COX7A2: variants seen among roughly 807,000 people sequenced by gnomAD.
The protein encoded by COX7A2 is cytochrome c oxidase subunit 7A2, mitochondrial.
In COX7A2, 11 loss-of-function variants were observed where a neutral mutation model predicts 11.6. That is an observed-to-expected ratio of 0.95 (90% CI 0.60 to 1.57). The LOEUF is 1.57. COX7A2 is among the 40% of genes most tolerant of loss of function. The pLI is 0.00. For missense variants in COX7A2, 106 were observed against 100.9 expected, an observed-to-expected ratio of 1.05 and a Z score of -0.22; for synonymous variants, 30 against 38.2, an observed-to-expected ratio of 0.78 and a Z score of 0.79.
chr6:75,237,878 T>A lies in COX7A2; in HGVS notation c.*52A>T, dbSNP rs1334043018. The A allele has an allele frequency of 2.2e-6, 3 of 1,375,474 alleles. No homozygotes were observed. The highest frequency in any genetic ancestry group is 1.4e-5 in the African/African-American group (1 of 70,682). 85.2% of individuals were successfully genotyped at this position (1,375,474 alleles called of 1,614,324 possible). A position where few individuals can be genotyped will look rare whatever the true frequency, so the allele number is the denominator to read the frequency against. ...GCTCGGTTATTTATCAGATTACTGG[T>A]CCATAGAGAGCTGAATGAAACTGAA... On this transcript the variant is annotated 3_prime_UTR_variant, in exon 4 of 4. Transcript: ENST00000684430.
At chr6:75,238,678 T>C (rs1582258527) in intron 3 of COX7A2, among the ~76,000 whole-genome samples, 1 of 108,036 alleles carries the variant, frequency 9.3e-6, no homozygotes, top group South Asian at 3.4e-4. Flanking sequence ...CACTCCAGCC[T>C]GGGCAACAAG....
upstream of COX7A2, among the ~76,000 whole-genome samples, chr6:75,248,032 C>T (rs953056770): frequency 1.5e-4 from 23 of 151,866 alleles, no homozygotes; most frequent in East Asian, 2.7e-3. Context: ...CTCTGCAGTC[C>T]GCTGAGAGTT....
At chr6:75,238,043 T>C in intron 3 of COX7A2, 55 bp from the exon 4 acceptor site, 1 of 1,192,822 alleles carries the variant, frequency 8.4e-7, no homozygotes, top group South Asian at 2.0e-5. Flanking sequence ...TCTAAGTGTA[T>C]AAATTTAATA....
At chr6:75,240,207 T>A (rs1771450352) in intron 3 of COX7A2, 94 bp downstream of exon 3, 6 of 873,118 alleles carry the variant, frequency 6.9e-6, no homozygotes, top group Non-Finnish European at 1.1e-5. Context: ...ACAAACTGCC[T>A]GCATTAAAAT....
At chr6:75,247,579 C>T (rs1771707133), upstream of COX7A2, among the ~76,000 whole-genome samples, 1 of 72,276 alleles carries the variant, frequency 1.4e-5, no homozygotes, top group Admixed American at 1.9e-4. Flanking sequence ...AAGCCTCAGT[C>T]TTTTCATCAT....
At position 75,240,352 on chromosome 6, in the gene COX7A2, C is replaced by T. The variant is rs754814290; in HGVS notation, c.142G>A (p.Gly48Arg). 1.9e-6 allele frequency: 3 copies of T among 1,605,866 alleles called. No individual in the cohort carries two copies. The highest frequency in any genetic ancestry group is 1.1e-5 in the South Asian group (1 of 90,300). Residue 48 changes from glycine to arginine, a missense_variant, in exon 3 of 4, where the codon GGG (glycine) becomes AGG (arginine). Physicochemically the swap from Gly to Arg is moderately radical, Grantham distance 125. Transcript: ENST00000684430. Reference protein sequence around the residue: ...DDEIPLYLKGGVADALLYRAT... With the variant: ...DDEIPLYLKGRVADALLYRAT... ...CTATACAGGAGGGCATCAGCTACCC[C>T]ACCCTTTAGATACAGTGGAATTTCA...
intron 2 of COX7A2, 41 bp from the exon 3 acceptor site, chr6:75,240,426 TCAC>T: frequency 7.3e-7 from 1 of 1,364,956 alleles, no homozygotes; most frequent in Non-Finnish European, 1.0e-6. Context: ...AATAAATGTC[TCAC>T]TCATTTCCAA....
rs182157804 is a variant in COX7A2, at chr6:75,238,617, T to C, written c.194-629A>G. On this transcript the variant is annotated intron_variant, in intron 3 of 3. Transcript: ENST00000684430. ...TACTTGGGAGGCTGAGGCAGGAGAA[T>C]TGCTTGAACCTGGGAGGCAGAGGTT... is the stretch of plus-strand genomic sequence containing the variant. Among the ~76,000 whole-genome samples the C allele has an allele frequency of 1.5e-3, 210 of 143,672 alleles. 3 individuals carry two copies. The East Asian group carries it at 0.036, about 24-fold the overall frequency. The allele number at this position is 143,672 out of a possible 152,430, so 94.3% of individuals were successfully genotyped here.
chr6:75,240,961 A>G, intron 2 of COX7A2: 3 of 421,412 alleles, frequency 7.1e-6, no homozygotes, highest in Non-Finnish European at 1.2e-5. Context: ...AAAATCACTC[A>G]TAATCAAACT....
chr6:75,248,413 T>A (rs1161083118), upstream of COX7A2, among the ~76,000 whole-genome samples: 2 of 152,052 alleles, frequency 1.3e-5, no homozygotes, highest in Non-Finnish European at 2.9e-5. Flanking sequence ...AACCTAAACA[T>A]TTCTTTTCTA....
At position 75,238,990 on chromosome 6, in the gene COX7A2, T is replaced by C. The variant is rs546939120; in HGVS notation, c.194-1002A>G. Among the ~76,000 whole-genome samples, 54 of 152,002 alleles carry C rather than the reference T, an allele frequency of 3.6e-4. 2 individuals are homozygous for C. The South Asian group carries it at 0.011, about 30-fold the overall frequency. On this transcript the variant is annotated intron_variant, in intron 3 of 3. Transcript: ENST00000684430. ...CCATCACACCCGACTCATTTTTGTG[T>C]TTTTAGTACAGACAGGGTTTCACCA...
At chr6:75,243,913 C>CT, upstream of COX7A2, 1 of 1,234,420 alleles carries the variant, frequency 8.1e-7, no homozygotes, top group Non-Finnish European at 1.1e-6. Context: ...AGCGGCAGTA[C>CT]GGCTCTATCC....
At chr6:75,242,326 C>T (rs932612502) in intron 1 of COX7A2, among the ~76,000 whole-genome samples, 4 of 151,790 alleles carry the variant, frequency 2.6e-5, no homozygotes, top group East Asian at 1.9e-4. Context: ...GCCAACATGG[C>T]GAAACCCCGT....
chr6:75,240,416 A>T, intron 2 of COX7A2, 31 bp from the exon 3 acceptor site: 3 of 1,399,952 alleles, frequency 2.1e-6, no homozygotes, highest in Non-Finnish European at 2.9e-6. Context: ...AAAAGACAAT[A>T]ATAAATGTCT....
At chr6:75,244,878 C>G (rs1418451386), upstream of COX7A2, among the ~76,000 whole-genome samples, 2 of 152,184 alleles carry the variant, frequency 1.3e-5, no homozygotes, top group Non-Finnish European at 2.9e-5. Context: ...TTCATGTCTT[C>G]CTTAGATTGG....
intron 3 of COX7A2, among the ~76,000 whole-genome samples, chr6:75,238,465 T>C (rs906399471): frequency 1.3e-5 from 2 of 152,000 alleles, no homozygotes; most frequent in Admixed American, 6.6e-5. Flanking sequence ...CCCAGCACTT[T>C]GGGAGGCCGA....
At chr6:75,239,080 G>C (rs1771409928) in intron 3 of COX7A2, among the ~76,000 whole-genome samples, 1 of 152,142 alleles carries the variant, frequency 6.6e-6, no homozygotes, top group South Asian at 2.1e-4. Context: ...CTCCCAAAGT[G>C]CTGGGATTAC....
At chr6:75,247,665 A>G (rs942796863), upstream of COX7A2, among the ~76,000 whole-genome samples, 6 of 152,078 alleles carry the variant, frequency 3.9e-5, no homozygotes, top group African/African-American at 1.2e-4. Flanking sequence ...ATTTCATAAA[A>G]CATATGAATG....
intron 2 of COX7A2, 125 bp downstream of exon 2, chr6:75,241,051 T>C: frequency 7.8e-7 from 1 of 1,288,374 alleles, no homozygotes. Context: ...TACATGTCCT[T>C]GACTTTTTTT....
Sources: allele counts gnomAD v4.1 joint callset (sites outside exome capture counted in the v4.1 genomes callset), GRCh38; gene constraint gnomAD v4.1.1; transcripts MANE v1.5; gene names NCBI Gene and HGNC (gene_info 2026-07-23, HGNC 2026-07-21).